The following ZNF124 variants were observed in gnomAD, a reference collection of about 807,000 sequenced individuals.
ZNF124 encodes the protein zinc finger protein 124, also known as zinc finger protein HZF-16.
ZNF124 carries 25 observed loss-of-function variants against 26.6 expected under a neutral mutation model. That is an observed-to-expected ratio of 0.94 (90% CI 0.68 to 1.31). ZNF124 has a LOEUF of 1.31. ZNF124 is among the 40% of genes most tolerant of loss of function. ZNF124 has a pLI of 0.00. For missense variants in ZNF124, 444 were observed against 422.2 expected (o/e 1.05, Z -0.45); for synonymous variants, 129 against 133.3 (o/e 0.97, Z 0.22).
chr1:247,148,381 G>A (rs1019902697), intron 3 of ZNF124, among the ~76,000 whole-genome samples: 4 of 152,112 alleles, frequency 2.6e-5, no homozygotes, highest in African/African-American at 7.2e-5. Context: ...AGAATCAATC[G>A]CATCATCACC....
chr1:247,157,593 G>C, intron 3 of ZNF124, 190 bp from the exon 4 acceptor site: 1 of 619,226 alleles, frequency 1.6e-6, no homozygotes, highest in Non-Finnish European at 2.9e-6. Flanking sequence ...CATCATTAAT[G>C]GTTTATTAGT....
chr1:247,131,377 G>A (rs1301777825), intron 3 of ZNF124, among the ~76,000 whole-genome samples: 1 of 152,162 alleles, frequency 6.6e-6, no homozygotes, highest in Non-Finnish European at 1.5e-5. Context: ...GGAACGCCCA[G>A]ATTCTTACAG....
chr1:247,132,320 A>G (rs1197241130), intron 3 of ZNF124, among the ~76,000 whole-genome samples: 2 of 152,198 alleles, frequency 1.3e-5, no homozygotes, highest in African/African-American at 4.8e-5. Context: ...AGACAAACTC[A>G]CAAAGATGAG....
chr1:247,138,746 G>A (rs998482936), intron 3 of ZNF124: 13 of 398,428 alleles, frequency 3.3e-5, no homozygotes, highest in African/African-American at 2.7e-4. Context: ...ACATCTTCAT[G>A]AACCAGTACA....
intron 1 of ZNF124, among the ~76,000 whole-genome samples, chr1:247,160,212 T>C (rs1673405890): frequency 6.6e-6 from 1 of 152,116 alleles, no homozygotes; most frequent in African/African-American, 2.4e-5. Flanking sequence ...CCTCGATCTC[T>C]TGACCTCGTG....
At chr1:247,153,069 G>C (rs1672991009), downstream of ZNF124, among the ~76,000 whole-genome samples, 3 of 151,464 alleles carry the variant, frequency 2.0e-5, no homozygotes, top group East Asian at 5.8e-4. Context: ...GGAGGTGGAG[G>C]TTGCAGTAAG....
chr1:247,170,513 A>G (rs1489259078), intron 1 of ZNF124, among the ~76,000 whole-genome samples: 1 of 146,912 alleles, frequency 6.8e-6, no homozygotes, highest in Non-Finnish European at 1.5e-5. Flanking sequence ...ATAATTAAAT[A>G]GGAAGAAATT....
At chr1:247,151,924 A>G (rs1672957629), downstream of ZNF124, among the ~76,000 whole-genome samples, 1 of 152,116 alleles carries the variant, frequency 6.6e-6, no homozygotes, top group African/African-American at 2.4e-5. Context: ...ATGTTTATAT[A>G]AAGTATAAAA....
chr1:247,131,340 G>A (rs185496199), intron 3 of ZNF124, among the ~76,000 whole-genome samples: 236 of 152,240 alleles, frequency 1.6e-3, no homozygotes, highest in African/African-American at 5.5e-3. Context: ...GCAAACCCAC[G>A]CCACCGAGGC....
intron 1 of ZNF124, 158 bp from the exon 2 acceptor site, chr1:247,159,971 T>C (rs1220760952): frequency 9.7e-6 from 4 of 410,808 alleles, no homozygotes; most frequent in Middle Eastern, 6.9e-4. Flanking sequence ...TTCTCCCACA[T>C]AGCAGTTCTT....
intron 3 of ZNF124, among the ~76,000 whole-genome samples, chr1:247,124,852 C>T (rs1280895396): frequency 6.6e-6 from 1 of 152,156 alleles, no homozygotes; most frequent in Non-Finnish European, 1.5e-5. Context: ...GGCTGCAGTG[C>T]AGTGGTGTGA....
chr1:247,125,003 C>T (rs967404802), intron 3 of ZNF124, among the ~76,000 whole-genome samples: 1 of 152,038 alleles, frequency 6.6e-6, no homozygotes, highest in Non-Finnish European at 1.5e-5. Flanking sequence ...GACGAGCTCT[C>T]ATCATGTTTC....
chr1:247,158,686 A>G (rs1673295442), intron 3 of ZNF124, among the ~76,000 whole-genome samples: 1 of 151,506 alleles, frequency 6.6e-6, no homozygotes, highest in East Asian at 1.9e-4. Flanking sequence ...CTGGAGTGCA[A>G]TGGCACAACC....
chr1:247,133,028 C>G lies in ZNF124; in HGVS notation c.219-9157G>C, dbSNP rs956402417. On this transcript the variant is annotated intron_variant, in intron 3 of 3. Coordinates refer to the ZNF124 transcript ENST00000472531. ...CTCCTGCTACAAAAGGAATTGCTAA[C>G]TAGAATAACCAGTTTAGAGAAGAAC... is the stretch of plus-strand genomic sequence containing the variant. 2.0e-5 allele frequency among the ~76,000 whole-genome samples: 3 copies of G among 152,216 alleles called. No individual in the cohort carries two copies. The East Asian group carries it at 5.8e-4, about 29-fold the overall frequency.
chr1:247,137,409 CA>C (rs1377522084), intron 3 of ZNF124, among the ~76,000 whole-genome samples: 1 of 133,422 alleles, frequency 7.5e-6, no homozygotes, highest in Non-Finnish European at 1.6e-5. Context: ...TTTGGGAGGC[CA>C]AGGTGGGTGG....
Position 247,156,281 on chromosome 1 carries a change from AT to A in ZNF124, c.*284del. ...ATAAAGTTTTTCTCTAGAATGAGTT[AT>A]GTTATACCATCAAATACCACTGGAA... On this transcript the variant is annotated 3_prime_UTR_variant, in exon 4 of 4. Transcript: ENST00000543802. 1 of 1,117,226 alleles carries A rather than the reference AT, an allele frequency of 9.0e-7. No homozygotes were observed. Among genetic ancestry groups the A allele is most frequent in the South Asian group, 4.1e-5 (1 of 24,352 alleles). 69.2% of individuals were successfully genotyped at this position (1,117,226 alleles called of 1,614,324 possible). A position where few individuals can be genotyped will look rare whatever the true frequency, so the allele number is the denominator to read the frequency against.
intron 1 of ZNF124, 27 bp from the exon 2 acceptor site, chr1:247,159,840 G>C: frequency 6.3e-7 from 1 of 1,595,600 alleles, no homozygotes; most frequent in Non-Finnish European, 8.5e-7. Context: ...TTTTGTAGAG[G>C]ATGGATGAGA....
chr1:247,164,442 CA>C (rs1673662242), intron 1 of ZNF124, among the ~76,000 whole-genome samples: 1 of 152,238 alleles, frequency 6.6e-6, no homozygotes, highest in Admixed American at 6.5e-5. Flanking sequence ...AAATTAGGAG[CA>C]TTTCTATACA....
intron 3 of ZNF124, among the ~76,000 whole-genome samples, chr1:247,137,500 A>G (rs948836569): frequency 1.5e-5 from 2 of 130,906 alleles, no homozygotes; most frequent in Non-Finnish European, 3.4e-5. Flanking sequence ...AAAAAAAAAA[A>G]AAAAAAAAAA....
Sources: gnomAD v4.1 joint callset for allele counts (sites outside exome capture counted in the v4.1 genomes callset) on GRCh38, gnomAD v4.1.1 for gene constraint, MANE v1.5 for transcripts, NCBI Gene and HGNC (gene_info 2026-07-23, HGNC 2026-07-21) for gene names.